PRRC2C: variants seen among roughly 807,000 people sequenced by gnomAD.
PRRC2C encodes the protein protein PRRC2C.
Under a neutral mutation model 317.2 loss-of-function variants are expected in PRRC2C, and 72 were observed. The ratio of observed to expected loss-of-function variants is 0.23; its 90% confidence interval spans 0.19 to 0.28. The LOEUF is 0.28. Ranked by LOEUF, PRRC2C falls within the 10% of genes least tolerant of loss-of-function variation. The probability of loss-of-function intolerance (pLI) is 1.00; values close to 1 mark genes in which losing one functional copy is unlikely to be tolerated. For missense variants in PRRC2C, 3,074 were observed against 3,459.7 expected (o/e 0.89, Z 2.80); for synonymous variants, 1,296 against 1,205.9 (o/e 1.07, Z -1.55).
At chr1:171,521,956 G>C (rs1465829543) in intron 6 of PRRC2C, among the ~76,000 whole-genome samples, 2 of 151,924 alleles carry the variant, frequency 1.3e-5, no homozygotes, top group Non-Finnish European at 1.5e-5. Context: ...TTTCATATGT[G>C]CTCTAGTTAT....
At chr1:171,550,050 A>C in intron 17 of PRRC2C, 36 bp from the exon 18 acceptor site, 1 of 1,506,920 alleles carries the variant, frequency 6.6e-7, no homozygotes, top group South Asian at 1.3e-5. Flanking sequence ...CATTTGAAAA[A>C]CAGAAAATAT....
intron 11 of PRRC2C, among the ~76,000 whole-genome samples, chr1:171,528,450 G>A (rs1304006262): frequency 6.6e-6 from 1 of 151,940 alleles, no homozygotes; most frequent in Non-Finnish European, 1.5e-5. Flanking sequence ...CACCACGCCC[G>A]GCTAATTTTT....
chr1:171,538,011 C>T (rs1677169327), intron 15 of PRRC2C, among the ~76,000 whole-genome samples: 2 of 152,196 alleles, frequency 1.3e-5, no homozygotes, highest in Non-Finnish European at 2.9e-5. Context: ...CACCATTCTT[C>T]TGCCTCAGCC....
At chr1:171,543,139 T>G (rs61814673) in intron 16 of PRRC2C, among the ~76,000 whole-genome samples, 121,478 of 150,322 alleles carry the variant, frequency 0.81, 49,200 homozygotes, top group Middle Eastern at 0.9. Context: ...GGAGGCCAAG[T>G]TGGGCGGGTC....
intron 1 of PRRC2C, among the ~76,000 whole-genome samples, chr1:171,508,439 C>G (rs915969011): frequency 6.6e-6 from 1 of 152,166 alleles, no homozygotes; most frequent in Non-Finnish European, 1.5e-5. Context: ...TGTGGTATAT[C>G]ACATTGATTT....
intron 1 of PRRC2C, among the ~76,000 whole-genome samples, chr1:171,492,491 G>T (rs1667330712): frequency 6.6e-6 from 1 of 152,108 alleles, no homozygotes; most frequent in South Asian, 2.1e-4. Context: ...CAGGAGTTGT[G>T]GAGGGTAGCG....
chr1:171,516,213 G>T (rs1365267971), intron 5 of PRRC2C, among the ~76,000 whole-genome samples: 1 of 151,976 alleles, frequency 6.6e-6, no homozygotes, highest in South Asian at 2.1e-4. Context: ...ATTAATATTC[G>T]GTGATTCCTC....
rs35652667 is a variant in PRRC2C at position 171,568,270 on chromosome 1, A to G, written c.6582A>G (p.Thr2194=). The G allele has an allele frequency of 5.9e-4, 951 of 1,610,220 alleles. 11 individuals are homozygous for G. The African/African-American group carries it at 0.011, about 19-fold the overall frequency. The change falls in exon 23 of 35, where the codon ACA becomes ACG. Residue 2194 remains threonine, a synonymous_variant. Coordinates refer to ENST00000647382, the MANE Select transcript of PRRC2C (RefSeq NM_001387844.1). ...AGGAGTCTGTAACAGACTATACTAC[A>G]CCCTCTTCTTCTTTGCCTAACACCG... The part of the protein sequence containing the change: ...NAKESVTDYT[T]PSSSLPNTVA...
intron 1 of PRRC2C, among the ~76,000 whole-genome samples, chr1:171,507,273 A>G (rs548933553): frequency 2.0e-5 from 3 of 152,256 alleles, no homozygotes; most frequent in Admixed American, 6.5e-5. Context: ...CAGTATTTAC[A>G]TTAGGGTAAT....
rs1242668149 is a variant in PRRC2C, at chr1:171,566,500, CTTAATT to C, written c.6306+85_6307-81del. The C allele has an allele frequency of 8.8e-6, 13 of 1,479,090 alleles. No individual in the cohort carries two copies. In the East Asian group the frequency reaches 3.0e-4, roughly 34 times the overall value. 91.6% of individuals were successfully genotyped at this position (1,479,090 alleles called of 1,614,324 possible). A position where few individuals can be genotyped will look rare whatever the true frequency, so the allele number is the denominator to read the frequency against. On this transcript the variant is annotated intron_variant, in intron 21 of 34. Coordinates refer to ENST00000647382, the MANE Select transcript of PRRC2C (RefSeq NM_001387844.1). ...AGCAAATAATACTTTTAAAAGTGAA[CTTAATT>C]TTAATGAATATCTTTGATCATGGTG...
Position 171,587,213 on chromosome 1 carries a change from A to G in PRRC2C, c.7960A>G (p.Thr2654Ala), listed in dbSNP as rs1305695239. 6.3e-7 allele frequency: 1 copy of G among 1,598,248 alleles called. No individual in the cohort carries two copies. Among genetic ancestry groups the G allele is most frequent in the East Asian group, 2.2e-5 (1 of 44,482 alleles). Residue 2654 changes from threonine (T) to alanine (A), a missense_variant, in exon 31 of 35, where the codon ACA (threonine) becomes GCA (alanine). Coordinates refer to ENST00000647382, the MANE Select transcript of PRRC2C (RefSeq NM_001387844.1). ...AACACAGCATAGCATGATTGCAACC[A>G]CAGGAAAAGTAAGTAAAGAGACATT... Reference protein sequence around the residue: ...AGTQHSMIATTGKMSEMELKA... With the variant: ...AGTQHSMIATAGKMSEMELKA...
intron 19 of PRRC2C, among the ~76,000 whole-genome samples, chr1:171,558,378 TG>T (rs35710400): frequency 6.6e-6 from 1 of 150,726 alleles, no homozygotes; most frequent in African/African-American, 2.5e-5. Flanking sequence ...AGGCAATGTT[TG>T]GGGGGGTCTT....
chr1:171,561,797 A>T (rs1682767538), intron 20 of PRRC2C, among the ~76,000 whole-genome samples: 1 of 152,224 alleles, frequency 6.6e-6, no homozygotes, highest in Non-Finnish European at 1.5e-5. Flanking sequence ...GCAGATAGTT[A>T]TTCTAACATA....
intron 30 of PRRC2C, among the ~76,000 whole-genome samples, chr1:171,584,936 T>A (rs948238059): frequency 6.6e-6 from 1 of 152,178 alleles, no homozygotes; most frequent in African/African-American, 2.4e-5. Context: ...TATGCCTGGC[T>A]AATTTTTCTT....
At chr1:171,494,544 C>A (rs918683735) in intron 1 of PRRC2C, among the ~76,000 whole-genome samples, 1 of 152,132 alleles carries the variant, frequency 6.6e-6, no homozygotes, top group African/African-American at 2.4e-5. Flanking sequence ...GTGGCCAATT[C>A]AACTTCTTAC....
intron 11 of PRRC2C, 55 bp from the exon 12 acceptor site, chr1:171,532,288 C>T: frequency 6.6e-7 from 1 of 1,517,080 alleles, no homozygotes; most frequent in Non-Finnish European, 8.8e-7. Context: ...GCCTGATACC[C>T]AGTGTTAGTC....
At chr1:171,572,036 G>T in intron 24 of PRRC2C, among the ~76,000 whole-genome samples, 1 of 151,764 alleles carries the variant, frequency 6.6e-6, no homozygotes, top group Middle Eastern at 3.4e-3. Context: ...TTTGAGCTAT[G>T]TTAATGATTT....
At position 171,515,650 on chromosome 1, in the gene PRRC2C, G is replaced by T. The variant is rs1229448654; in HGVS notation, c.401-84G>T. ...ATGTGGAATAATTTAAGAGAAAGAG[G>T]CAGAGAGCTCTATCCTGGGAGGGTG... On this transcript the variant is annotated intron_variant, in intron 4 of 34. Transcript: ENST00000647382. 4 of 1,130,034 alleles carry T rather than the reference G, an allele frequency of 3.5e-6. No individual in the cohort carries two copies. The East Asian group carries it at 7.9e-5, about 22-fold the overall frequency. The allele number at this position is 1,130,034 out of a possible 1,614,324, so 70.0% of individuals were successfully genotyped here.
rs1647279210 is a variant in PRRC2C, at chr1:171,577,436, G to T, written c.6958G>T (p.Ala2320Ser). Residue 2320 changes from alanine (A) to serine (S), a missense_variant and splice_region_variant, in exon 26 of 35, where the codon GCT becomes TCT. Physicochemically the swap from Ala to Ser is moderately conservative, Grantham distance 99 (BLOSUM62 1). Around this residue, in one of 11 missense-constraint regions of PRRC2C, gnomAD observed 490 missense variants for 663.1 expected, o/e 0.74. Coordinates refer to ENST00000647382, the MANE Select transcript of PRRC2C (RefSeq NM_001387844.1). Reference sequence around the variant, plus strand: ...TTTATTTGCTTCCCCAAATATAGGAGCTGGTACATACACTACCTCTTCTTT... The same window carrying T: ...TTTATTTGCTTCCCCAAATATAGGATCTGGTACATACACTACCTCTTCTTT... ...SVTPTASLSG[A>S]GTYTTSSLST... The T allele has an allele frequency of 1.3e-6, 2 of 1,598,492 alleles. No individual in the cohort carries two copies. The highest frequency in any genetic ancestry group is 2.7e-5 in the African/African-American group (2 of 74,586).
Sources: gnomAD v4.1 joint callset for allele counts (sites outside exome capture counted in the v4.1 genomes callset) on GRCh38, gnomAD v4.1.1 for gene constraint, gnomAD v4.1.1 regional missense constraint, MANE v1.5 for transcripts, NCBI Gene and HGNC (gene_info 2026-07-23, HGNC 2026-07-21) for gene names.